The following PTPN4 variants were observed in gnomAD, a reference collection of about 807,000 sequenced individuals.
PTPN4 encodes protein tyrosine phosphatase non-receptor type 4.
PTPN4 carries 49 observed loss-of-function variants against 135.5 expected under a neutral mutation model. That is an observed-to-expected ratio of 0.36 (90% CI 0.29 to 0.46). PTPN4 has a LOEUF of 0.46. Ranked by LOEUF, PTPN4 falls within the 20% of genes least tolerant of loss-of-function variation. The pLI, the probability that PTPN4 is intolerant of heterozygous loss-of-function variation, is 1.00. For missense variants in PTPN4, 860 were observed against 1,101.0 expected (o/e 0.78, Z 3.10); for synonymous variants, 333 against 369.9 (o/e 0.90, Z 1.14).
intron 2 of PTPN4, among the ~76,000 whole-genome samples, chr2:119,824,923 A>G (rs1441729992): frequency 3.3e-5 from 5 of 152,172 alleles, no homozygotes; most frequent in Admixed American, 2.6e-4. Flanking sequence ...CCTGACCTCA[A>G]GTGGTCCGCC....
At chr2:119,934,987 G>T (rs1463066129) in intron 15 of PTPN4, 29 bp downstream of exon 15, 1 of 1,573,512 alleles carries the variant, frequency 6.4e-7, no homozygotes, top group Non-Finnish European at 8.7e-7. Context: ...TGCTTCCTCT[G>T]TATTTTCAAA....
intron 2 of PTPN4, among the ~76,000 whole-genome samples, chr2:119,833,187 G>A (rs963988983): frequency 5.9e-5 from 9 of 151,274 alleles, no homozygotes; most frequent in African/African-American, 2.2e-4. Flanking sequence ...GTAATTTTGT[G>A]GTATGGTGCA....
In PTPN4 at chr2:119,979,677, C is replaced by CCA. The variant is rs1679664280; in HGVS notation, c.*2607_*2608insCA. ...CCTAGCTTTCATACACCATGTAGTTCTAGACTCCGTCCATATCAGTGTAAC... is the reference window on the plus strand; with the variant it reads ...CCTAGCTTTCATACACCATGTAGTTCCATAGACTCCGTCCATATCAGTGTAAC... On this transcript the variant is annotated 3_prime_UTR_variant, in exon 27 of 27. Coordinates refer to ENST00000263708, the MANE Select transcript of PTPN4 (RefSeq NM_002830.4). The CCA allele has an allele frequency of 1.3e-5, 2 of 152,160 alleles. No individual in the cohort carries two copies. Among genetic ancestry groups the CCA allele is most frequent in the Admixed American group, 6.5e-5 (1 of 15,274 alleles). The allele number at this position is 152,160 out of a possible 1,614,324, so 9.4% of individuals were successfully genotyped here.
intron 13 of PTPN4, among the ~76,000 whole-genome samples, chr2:119,932,022 G>A (rs1463466978): frequency 6.6e-6 from 1 of 152,146 alleles, no homozygotes; most frequent in Non-Finnish European, 1.5e-5. Flanking sequence ...TAATGTGCGA[G>A]GAGTTATTTA....
chr2:119,864,248 A>G (rs1677800544), intron 3 of PTPN4, among the ~76,000 whole-genome samples: 1 of 152,134 alleles, frequency 6.6e-6, no homozygotes, highest in Admixed American at 6.5e-5. Flanking sequence ...CAGCCCACAT[A>G]GCAAGTAGCT....
intron 1 of PTPN4, among the ~76,000 whole-genome samples, chr2:119,793,846 GTTTTTTTT>G (rs55956611): frequency 1.6e-4 from 4 of 24,798 alleles, no homozygotes; most frequent in Admixed American, 8.8e-4. Flanking sequence ...TTCATTTTTA[GTTTTTTTT>G]TTTTTTTTTT....
At chr2:119,951,207 A>C (rs1344152026) in intron 18 of PTPN4, among the ~76,000 whole-genome samples, 1 of 152,070 alleles carries the variant, frequency 6.6e-6, no homozygotes, top group Admixed American at 6.6e-5. Flanking sequence ...TGAACTTTTG[A>C]TGTTGTGAAA....
At chr2:119,786,043 A>G (rs143558632) in intron 1 of PTPN4, among the ~76,000 whole-genome samples, 1 of 152,200 alleles carries the variant, frequency 6.6e-6, no homozygotes, top group East Asian at 1.9e-4. Flanking sequence ...TTTCCTTACT[A>G]TTTAGTGGTT....
intron 2 of PTPN4, among the ~76,000 whole-genome samples, chr2:119,815,080 T>C (rs1676966026): frequency 6.6e-6 from 1 of 152,208 alleles, no homozygotes; most frequent in Admixed American, 6.5e-5. Flanking sequence ...CATATAGTTC[T>C]TGGGTCTCAT....
At chr2:119,823,079 C>T (rs1558736434) in intron 2 of PTPN4, among the ~76,000 whole-genome samples, 1 of 152,132 alleles carries the variant, frequency 6.6e-6, no homozygotes. Flanking sequence ...TTTACTGTAA[C>T]TGCTTCCTCA....
chr2:119,920,372 G>C (rs1574404782), intron 12 of PTPN4, 131 bp downstream of exon 12: 5 of 996,306 alleles, frequency 5.0e-6, no homozygotes. Flanking sequence ...CCTATGGATT[G>C]CAGCCTCTAT....
At chr2:119,828,147 A>G (rs1470306397) in intron 2 of PTPN4, among the ~76,000 whole-genome samples, 6 of 152,222 alleles carry the variant, frequency 3.9e-5, no homozygotes, top group Non-Finnish European at 7.3e-5. Flanking sequence ...TGGAGAAGCC[A>G]TATGTCAGTG....
intron 10 of PTPN4, among the ~76,000 whole-genome samples, chr2:119,914,326 C>G (rs193004674): frequency 7.6e-6 from 1 of 131,676 alleles, no homozygotes. Context: ...TTTCCCATGT[C>G]GAGTGAAAGC....
intron 22 of PTPN4, among the ~76,000 whole-genome samples, chr2:119,959,734 TAACAGCA>T (rs1300668951): frequency 6.6e-6 from 1 of 152,194 alleles, no homozygotes; most frequent in African/African-American, 2.4e-5. Context: ...TCTGAATAGT[TAACAGCA>T]AACTATAGAT....
At position 119,981,394 on chromosome 2, in the gene PTPN4, G is replaced by A. The variant is rs929092658; in HGVS notation, c.*4324G>A. On this transcript the variant is annotated 3_prime_UTR_variant, in exon 27 of 27. Coordinates refer to ENST00000263708, the MANE Select transcript of PTPN4 (RefSeq NM_002830.4). ...TACAATTGCTGGAATCATTCTTTTTGTGGTGCTTCCTCCAAGTGAAATAAC... is the reference window on the plus strand; with the variant it reads ...TACAATTGCTGGAATCATTCTTTTTATGGTGCTTCCTCCAAGTGAAATAAC... 4 of 151,922 alleles carry A rather than the reference G, an allele frequency of 2.6e-5. No individual in the cohort carries two copies. Among genetic ancestry groups the A allele is most frequent in the East Asian group, 3.9e-4 (2 of 5,192 alleles). 9.4% of individuals were successfully genotyped at this position (151,922 alleles called of 1,614,324 possible).
intron 2 of PTPN4, among the ~76,000 whole-genome samples, chr2:119,842,901 C>A (rs1327646369): frequency 2.0e-5 from 3 of 152,148 alleles, no homozygotes; most frequent in Non-Finnish European, 4.4e-5. Flanking sequence ...TTACTTTTTA[C>A]ATGTCTAGAT....
chr2:119,945,018 GT>G (rs1187419948), intron 15 of PTPN4, 62 bp from the exon 16 acceptor site: 1 of 1,453,150 alleles, frequency 6.9e-7, no homozygotes, highest in East Asian at 2.5e-5. Context: ...AAATATGTGG[GT>G]TGCTTGACCC....
Position 119,961,123 on chromosome 2 carries a change from C to T in PTPN4, c.2280+170C>T, listed in dbSNP as rs1217909141. ...TAAGTGCATAAAACTGTGACTAACACATAAATAAATGTGACATAAGTGTTA... is the reference window on the plus strand; with the variant it reads ...TAAGTGCATAAAACTGTGACTAACATATAAATAAATGTGACATAAGTGTTA... On this transcript the variant is annotated intron_variant, in intron 23 of 26. Transcript: ENST00000263708. Among the ~76,000 whole-genome samples the T allele has an allele frequency of 2.0e-5, 3 of 152,158 alleles. No homozygotes were observed. The East Asian group carries it at 5.8e-4, about 29-fold the overall frequency.
At chr2:119,804,738 A>G (rs114428391) in intron 1 of PTPN4, among the ~76,000 whole-genome samples, 2,562 of 152,292 alleles carry the variant, frequency 0.017, 41 homozygotes, top group Non-Finnish European at 0.027. Context: ...TGCAACAAAC[A>G]TACACGTGTA....
Sources: allele counts gnomAD v4.1 joint callset (sites outside exome capture counted in the v4.1 genomes callset), GRCh38; gene constraint gnomAD v4.1.1; transcripts MANE v1.5; gene names NCBI Gene and HGNC (gene_info 2026-07-23, HGNC 2026-07-21).